The following CLSTN2 variants were observed in gnomAD, a reference collection of about 807,000 sequenced individuals.
CLSTN2 encodes the protein calsyntenin-2.
CLSTN2 carries 48 observed loss-of-function variants against 101.2 expected under a neutral mutation model. The observed-to-expected ratio is 0.47, with a 90% confidence interval of 0.38 to 0.60. CLSTN2 has a LOEUF of 0.60. Ranked by LOEUF, CLSTN2 falls within the 20% of genes least tolerant of loss-of-function variation. The pLI, the probability that CLSTN2 is intolerant of heterozygous loss-of-function variation, is 0.00. For synonymous variants in CLSTN2, 481 were observed against 463.6 expected, an observed-to-expected ratio of 1.04 and a Z score of -0.48; for missense variants, 1,160 against 1,238.2, an observed-to-expected ratio of 0.94 and a Z score of 0.95.
At chr3:140,467,345 C>T (rs543259556) in intron 8 of CLSTN2, among the ~76,000 whole-genome samples, 3 of 152,094 alleles carry the variant, frequency 2.0e-5, no homozygotes, top group Admixed American at 6.6e-5. Context: ...GGAGCATTAA[C>T]GGTGGAAGTA....
intron 2 of CLSTN2, among the ~76,000 whole-genome samples, chr3:140,384,256 A>G (rs1449969766): frequency 6.6e-6 from 1 of 152,190 alleles, no homozygotes; most frequent in Non-Finnish European, 1.5e-5. Flanking sequence ...CCACTCCACC[A>G]TTTCATTCCT....
rs890084154 is a variant in CLSTN2, at chr3:140,568,827, G to A, written c.*2574G>A. The stretch of plus-strand genomic sequence containing the variant: ...GTTAGGTAAAATCTTTATATGTGTT[G>A]GGGTTTTTTTGGTAGGGGGGGTAGC... On this transcript the variant is annotated 3_prime_UTR_variant, in exon 17 of 17. Coordinates refer to ENST00000458420, the MANE Select transcript of CLSTN2 (RefSeq NM_022131.3). 6.6e-6 allele frequency: 1 copy of A among 152,056 alleles called. No homozygotes were observed. The highest frequency in any genetic ancestry group is 1.5e-5 in the Non-Finnish European group (1 of 68,060). 9.4% of individuals were successfully genotyped at this position (152,056 alleles called of 1,614,324 possible).
chr3:140,191,204 A>G (rs1263142972), intron 2 of CLSTN2, among the ~76,000 whole-genome samples: 4 of 152,026 alleles, frequency 2.6e-5, no homozygotes, highest in African/African-American at 9.7e-5. Context: ...GTTTGTTAAT[A>G]TAATAACACT....
chr3:140,249,154 A>G (rs565887348), intron 2 of CLSTN2, among the ~76,000 whole-genome samples: 66 of 152,154 alleles, frequency 4.3e-4, no homozygotes, highest in Non-Finnish European at 7.8e-4. Flanking sequence ...AGCTTGGTAC[A>G]AGTCAGGCCC....
intron 3 of CLSTN2, among the ~76,000 whole-genome samples, 165 bp downstream of exon 3, chr3:140,403,989 T>G (rs554196122): frequency 1.6e-4 from 25 of 152,332 alleles, no homozygotes; most frequent in Non-Finnish European, 3.5e-4. Context: ...ATCTTCCCAG[T>G]CTGCTTTCCA....
At chr3:139,989,380 C>A (rs2107827437) in intron 1 of CLSTN2, among the ~76,000 whole-genome samples, 1 of 152,338 alleles carries the variant, frequency 6.6e-6, no homozygotes, top group Non-Finnish European at 1.5e-5. Context: ...CCCCACCCTG[C>A]ATTTCTGAGG....
At chr3:140,048,286 A>G (rs925874068) in intron 1 of CLSTN2, among the ~76,000 whole-genome samples, 1 of 152,230 alleles carries the variant, frequency 6.6e-6, no homozygotes, top group African/African-American at 2.4e-5. Context: ...TGCATGGACC[A>G]TATCTTGGGA....
intron 1 of CLSTN2, among the ~76,000 whole-genome samples, chr3:140,050,443 AG>A (rs1377721567): frequency 6.6e-6 from 1 of 152,238 alleles, no homozygotes; most frequent in Non-Finnish European, 1.5e-5. Flanking sequence ...TGAAATATTC[AG>A]GGCTAGCATC....
intron 2 of CLSTN2, among the ~76,000 whole-genome samples, chr3:140,333,576 C>T (rs370109411): frequency 4.1e-4 from 62 of 152,260 alleles, no homozygotes; most frequent in African/African-American, 1.5e-3. Context: ...TTCCTCCTCC[C>T]CTCAGTAGAA....
chr3:140,145,816 G>A (rs1215179298), intron 1 of CLSTN2, among the ~76,000 whole-genome samples: 2 of 152,192 alleles, frequency 1.3e-5, no homozygotes, highest in Admixed American at 6.5e-5. Context: ...AATATTCTTG[G>A]AGCCAGCAGA....
At chr3:140,457,206 G>C (rs1343514700) in intron 6 of CLSTN2, among the ~76,000 whole-genome samples, 1 of 152,178 alleles carries the variant, frequency 6.6e-6, no homozygotes, top group African/African-American at 2.4e-5. Flanking sequence ...TCTGCACCGG[G>C]CCCTGCTAGA....
chr3:140,148,135 T>C (rs1422524154), intron 1 of CLSTN2, among the ~76,000 whole-genome samples: 1 of 152,224 alleles, frequency 6.6e-6, no homozygotes, highest in African/African-American at 2.4e-5. Flanking sequence ...CACCACCTGC[T>C]ACAGCCCCTT....
At chr3:139,956,739 A>G (rs1196001164) in intron 1 of CLSTN2, among the ~76,000 whole-genome samples, 3 of 152,224 alleles carry the variant, frequency 2.0e-5, no homozygotes, top group Non-Finnish European at 4.4e-5. Context: ...TTTGAGTGCA[A>G]TGCTGATTGT....
chr3:140,176,549 G>C (rs2010327840), intron 2 of CLSTN2, among the ~76,000 whole-genome samples: 1 of 152,226 alleles, frequency 6.6e-6, no homozygotes, highest in African/African-American at 2.4e-5. Flanking sequence ...TTCCAAGTGG[G>C]TGTGTCTCTG....
At chr3:140,241,794 TATATATATATATATACAC>T (rs1166838415) in intron 2 of CLSTN2, among the ~76,000 whole-genome samples, 1 of 145,858 alleles carries the variant, frequency 6.9e-6, no homozygotes, top group African/African-American at 2.5e-5. Context: ...ATGCGAGATA[TATATATATATATATACAC>T]ATATATATAT....
At chr3:140,055,678 T>C (rs1187192962) in intron 1 of CLSTN2, among the ~76,000 whole-genome samples, 2 of 152,234 alleles carry the variant, frequency 1.3e-5, no homozygotes, top group Admixed American at 6.5e-5. Context: ...GTTTCCTTTT[T>C]CCTTCTGTCT....
intron 6 of CLSTN2, among the ~76,000 whole-genome samples, chr3:140,449,047 C>T (rs1223646923): frequency 6.6e-6 from 1 of 152,110 alleles, no homozygotes; most frequent in African/African-American, 2.4e-5. Flanking sequence ...TCCTTTCTGC[C>T]CCACTGGTTT....
intron 2 of CLSTN2, among the ~76,000 whole-genome samples, chr3:140,240,347 T>C (rs1469516077): frequency 2.9e-5 from 4 of 135,864 alleles, no homozygotes; most frequent in Admixed American, 8.0e-5. Flanking sequence ...TATAAAATAC[T>C]ACCATATAGT....
chr3:140,460,043 C>T (rs1318188936), intron 7 of CLSTN2, among the ~76,000 whole-genome samples: 1 of 152,118 alleles, frequency 6.6e-6, no homozygotes, highest in Admixed American at 6.5e-5. Flanking sequence ...CTAGATTCCT[C>T]AGAATGCTAG....
Sources: gnomAD v4.1 joint callset for allele counts (sites outside exome capture counted in the v4.1 genomes callset) on GRCh38, gnomAD v4.1.1 for gene constraint, MANE v1.5 for transcripts, NCBI Gene and HGNC (gene_info 2026-07-23, HGNC 2026-07-21) for gene names.